SORCS3: variants seen among roughly 807,000 people sequenced by gnomAD.
The protein encoded by SORCS3 is VPS10 domain-containing receptor SorCS3.
In SORCS3, 57 loss-of-function variants were observed where a neutral mutation model predicts 146.3. The ratio of observed to expected loss-of-function variants is 0.39; its 90% CI spans 0.31 to 0.49. The LOEUF is 0.49. Among genes scored for constraint, SORCS3 ranks in the 20% least tolerant of loss-of-function variants. SORCS3 has a pLI of 0.92. For missense variants in SORCS3, 1,341 were observed against 1,575.5 expected (o/e 0.85, Z 2.52); for synonymous variants, 653 against 618.5 (o/e 1.06, Z -0.83).
intron 8 of SORCS3, 126 bp from the exon 9 acceptor site, chr10:105,147,491 G>A (rs1409744307): frequency 2.7e-6 from 2 of 740,112 alleles, no homozygotes; most frequent in Admixed American, 3.2e-5. Context: ...ACATGGAATT[G>A]TTTAACATTG....
chr10:104,799,561 G>A (rs2017600115), intron 1 of SORCS3, among the ~76,000 whole-genome samples: 1 of 152,152 alleles, frequency 6.6e-6, no homozygotes, highest in Non-Finnish European at 1.5e-5. Flanking sequence ...GGGGGCTAGG[G>A]GAGGGATAAC....
rs143760413 is a variant in SORCS3 at position 104,663,800 on chromosome 10, C to T, written c.627+21846C>T. On this transcript the variant is annotated intron_variant, in intron 1 of 26. Transcript: ENST00000369701. Reference sequence around the variant, plus strand: ...CTGCTGAATGAACCAGGAGCTTTTTCCTTCACACTGGCAGCCCCCCACTCC... The same window carrying T: ...CTGCTGAATGAACCAGGAGCTTTTTTCTTCACACTGGCAGCCCCCCACTCC... Among the ~76,000 whole-genome samples, 239 of 152,276 alleles carry T rather than the reference C, an allele frequency of 1.6e-3. 1 individual carries two copies. Among genetic ancestry groups the T allele is most frequent in the African/African-American group, 5.6e-3 (234 of 41,554 alleles).
intron 4 of SORCS3, among the ~76,000 whole-genome samples, chr10:104,987,426 TC>T (rs2054968753): frequency 6.6e-6 from 1 of 152,196 alleles, no homozygotes; most frequent in African/African-American, 2.4e-5. Flanking sequence ...TTTATGTTTA[TC>T]CTAGTTATAA....
intron 7 of SORCS3, among the ~76,000 whole-genome samples, chr10:105,122,449 T>C (rs2055940289): frequency 6.6e-6 from 1 of 152,204 alleles, no homozygotes; most frequent in African/African-American, 2.4e-5. Context: ...CTTGATGTGA[T>C]TGAGGATCTA....
chr10:104,750,146 A>C (rs2016967159), intron 1 of SORCS3, among the ~76,000 whole-genome samples: 1 of 152,172 alleles, frequency 6.6e-6, no homozygotes, highest in Non-Finnish European at 1.5e-5. Flanking sequence ...GGTGGGCTTG[A>C]AAATGACCCA....
chr10:105,213,103 T>C (rs2056643815), intron 17 of SORCS3, among the ~76,000 whole-genome samples: 1 of 152,202 alleles, frequency 6.6e-6, no homozygotes, highest in Admixed American at 6.5e-5. Flanking sequence ...TTGCCTACCA[T>C]ATGGACAAGT....
At chr10:104,706,366 G>A (rs1446403748) in intron 1 of SORCS3, among the ~76,000 whole-genome samples, 2 of 151,548 alleles carry the variant, frequency 1.3e-5, no homozygotes, top group Non-Finnish European at 1.5e-5. Flanking sequence ...GCACCACCAC[G>A]CCCAGGTGAT....
At chr10:105,210,239 C>T (rs1327137276) in intron 16 of SORCS3, among the ~76,000 whole-genome samples, 2 of 152,092 alleles carry the variant, frequency 1.3e-5, no homozygotes, top group Non-Finnish European at 2.9e-5. Flanking sequence ...TTTTCTGCTG[C>T]TTCATGTTTT....
intron 1 of SORCS3, among the ~76,000 whole-genome samples, chr10:104,673,397 A>T (rs192820650): frequency 4.7e-4 from 71 of 151,734 alleles, no homozygotes; most frequent in Admixed American, 2.4e-3. Context: ...TAGTAAAAAA[A>T]TGTAAGTTTA....
chr10:104,691,309 C>T (rs146507556), intron 1 of SORCS3, among the ~76,000 whole-genome samples: 1 of 152,266 alleles, frequency 6.6e-6, no homozygotes, highest in East Asian at 1.9e-4. Context: ...ATGAAAAAGA[C>T]TACAGTGGGA....
chr10:104,754,908 T>C (rs1451998080), intron 1 of SORCS3, among the ~76,000 whole-genome samples: 1 of 152,194 alleles, frequency 6.6e-6, no homozygotes, highest in Non-Finnish European at 1.5e-5. Context: ...AGCTGATTTA[T>C]GTGTTTTCTC....
intron 1 of SORCS3, among the ~76,000 whole-genome samples, chr10:104,771,161 C>G (rs565307295): frequency 1.3e-5 from 2 of 152,170 alleles, no homozygotes. Context: ...GTCGGCATCA[C>G]CTGGGAGCTT....
At chr10:104,688,413 A>T (rs1203824492) in intron 1 of SORCS3, among the ~76,000 whole-genome samples, 1 of 152,086 alleles carries the variant, frequency 6.6e-6, no homozygotes, top group African/African-American at 2.4e-5. Context: ...AGCTTAGTGG[A>T]TGCAGAGGGC....
intron 6 of SORCS3, among the ~76,000 whole-genome samples, 184 bp downstream of exon 6, chr10:105,090,023 C>T (rs1291469915): frequency 6.6e-6 from 1 of 152,130 alleles, no homozygotes; most frequent in African/African-American, 2.4e-5. Context: ...TTCATTGAAA[C>T]AAACTCTTGG....
chr10:104,952,949 A>G (rs2019448567), intron 3 of SORCS3, among the ~76,000 whole-genome samples: 1 of 152,188 alleles, frequency 6.6e-6, no homozygotes, highest in African/African-American at 2.4e-5. Flanking sequence ...TTATTTCTCA[A>G]CCATGTTTTG....
intron 7 of SORCS3, among the ~76,000 whole-genome samples, chr10:105,117,331 A>C (rs1439551435): frequency 2.0e-5 from 3 of 152,206 alleles, no homozygotes; most frequent in Non-Finnish European, 4.4e-5. Context: ...AACTTAATGC[A>C]AGGCAATCTT....
At chr10:105,226,088 C>T (rs2056732353) in intron 20 of SORCS3, among the ~76,000 whole-genome samples, 1 of 151,456 alleles carries the variant, frequency 6.6e-6, no homozygotes, top group Non-Finnish European at 1.5e-5. Flanking sequence ...GACTTCCGGT[C>T]CTATATTGAA....
intron 4 of SORCS3, among the ~76,000 whole-genome samples, chr10:105,035,537 G>A (rs1292786945): frequency 1.3e-5 from 2 of 150,730 alleles, no homozygotes; most frequent in Non-Finnish European, 1.5e-5. Context: ...GTGCAGTCTC[G>A]GCTCACTGCA....
chr10:105,152,293 T>G (rs1360776055), intron 9 of SORCS3, among the ~76,000 whole-genome samples: 1 of 152,240 alleles, frequency 6.6e-6, no homozygotes, highest in Non-Finnish European at 1.5e-5. Context: ...ACTTCCACAT[T>G]TCTGCTTCCC....
Sources: gnomAD v4.1 joint callset for allele counts (sites outside exome capture counted in the v4.1 genomes callset) on GRCh38, gnomAD v4.1.1 for gene constraint, MANE v1.5 for transcripts, NCBI Gene and HGNC (gene_info 2026-07-23, HGNC 2026-07-21) for gene names.